The following CHL1 variants were observed in gnomAD, a reference collection of about 807,000 sequenced individuals.
CHL1 encodes the protein cell adhesion molecule L1 like, also known as neural cell adhesion molecule L1-like protein.
In CHL1, 96 loss-of-function variants were observed where a neutral mutation model predicts 141.9. The observed-to-expected ratio is 0.68, with a 90% CI of 0.57 to 0.80. The LOEUF is 0.80. Ranked by LOEUF, CHL1 falls within the 30% of genes least tolerant of loss-of-function variation. The probability of loss-of-function intolerance (pLI) is 0.00; values close to 1 mark genes in which losing one functional copy is unlikely to be tolerated. For missense variants in CHL1, 1,820 were observed against 1,457.2 expected (o/e 1.25, Z -4.05); for synonymous variants, 613 against 502.2 (o/e 1.22, Z -2.95).
chr3:263,062 C>G (rs1375209528), intron 2 of CHL1, among the ~76,000 whole-genome samples: 1 of 152,176 alleles, frequency 6.6e-6, no homozygotes, highest in Admixed American at 6.5e-5. Context: ...AAGTGCTATG[C>G]AAAGTGAGGG....
intron 1 of CHL1, among the ~76,000 whole-genome samples, chr3:203,827 A>G (rs1219817398): frequency 1.3e-5 from 2 of 152,236 alleles, no homozygotes; most frequent in Non-Finnish European, 2.9e-5. Context: ...TGTGGAGGTC[A>G]GTTCTCCCAG....
chr3:389,519 C>A, intron 20 of CHL1, 45 bp downstream of exon 20: 1 of 1,422,318 alleles, frequency 7.0e-7, no homozygotes, highest in Non-Finnish European at 9.9e-7. Context: ...GTAACTGTTG[C>A]TTTCAAATAT....
At chr3:382,032 C>G (rs1707103479) in intron 16 of CHL1, 147 bp from the exon 17 acceptor site, 1 of 494,376 alleles carries the variant, frequency 2.0e-6, no homozygotes, top group East Asian at 3.7e-5. Flanking sequence ...CTTTCCCTTC[C>G]ATATGTGGGG....
chr3:341,525 A>G (rs1235707730), intron 6 of CHL1, among the ~76,000 whole-genome samples: 3 of 152,180 alleles, frequency 2.0e-5, no homozygotes, highest in African/African-American at 7.2e-5. Flanking sequence ...TTTCTTTTTA[A>G]ATCATGTTTT....
chr3:390,858 A>G (rs1183632841), intron 21 of CHL1, 42 bp downstream of exon 21: 2 of 1,499,686 alleles, frequency 1.3e-6, no homozygotes, highest in East Asian at 2.3e-5. Flanking sequence ...TTGAATTGGT[A>G]TCTTTCCTGA....
At chr3:317,762 G>A (rs1186840810) in intron 2 of CHL1, among the ~76,000 whole-genome samples, 1 of 151,296 alleles carries the variant, frequency 6.6e-6, no homozygotes, top group East Asian at 1.9e-4. Flanking sequence ...TCCCAACTTT[G>A]TACAAATACG....
intron 8 of CHL1, 81 bp downstream of exon 8, chr3:343,112 C>T: frequency 1.8e-6 from 2 of 1,102,374 alleles, no homozygotes; most frequent in Non-Finnish European, 2.6e-6. Flanking sequence ...CTTTAATATC[C>T]TCTTAAGTTT....
intron 2 of CHL1, among the ~76,000 whole-genome samples, chr3:292,661 T>C (rs1396817460): frequency 6.6e-6 from 1 of 152,218 alleles, no homozygotes; most frequent in Admixed American, 6.5e-5. Flanking sequence ...AGTTGGCTCA[T>C]GGTTCTGCAG....
At chr3:266,071 G>C (rs1695123231) in intron 2 of CHL1, among the ~76,000 whole-genome samples, 1 of 152,208 alleles carries the variant, frequency 6.6e-6, no homozygotes, top group Non-Finnish European at 1.5e-5. Flanking sequence ...GGTGAGGTTA[G>C]TAGCATGGCC....
intron 3 of CHL1, among the ~76,000 whole-genome samples, chr3:321,529 G>T (rs958412368): frequency 2.6e-5 from 4 of 151,974 alleles, no homozygotes; most frequent in African/African-American, 7.2e-5. Flanking sequence ...ATTGTCTTCC[G>T]AATAGCAACG....
chr3:294,574 T>C (rs1353152464), intron 2 of CHL1, among the ~76,000 whole-genome samples: 1 of 152,236 alleles, frequency 6.6e-6, no homozygotes, highest in Admixed American at 6.5e-5. Context: ...ATTTTCTTTT[T>C]TTCCACATTC....
chr3:310,666 C>T (rs1699680647), intron 2 of CHL1, among the ~76,000 whole-genome samples: 1 of 152,122 alleles, frequency 6.6e-6, no homozygotes. Context: ...TCTGCATATG[C>T]ACAGCCTCTC....
At chr3:404,914 G>A (rs1709413588) in intron 27 of CHL1, among the ~76,000 whole-genome samples, 1 of 152,136 alleles carries the variant, frequency 6.6e-6, no homozygotes, top group Non-Finnish European at 1.5e-5. Context: ...AGAAGCCTAA[G>A]AGCAAAGTGC....
chr3:350,250 G>C (rs1358973091), intron 10 of CHL1, among the ~76,000 whole-genome samples: 1 of 152,136 alleles, frequency 6.6e-6, no homozygotes, highest in Non-Finnish European at 1.5e-5. Context: ...GGAATAAGTA[G>C]GCAAAGATGA....
chr3:303,364 C>G (rs1296323799), intron 2 of CHL1, among the ~76,000 whole-genome samples: 1 of 152,164 alleles, frequency 6.6e-6, no homozygotes, highest in African/African-American at 2.4e-5. Flanking sequence ...ATTGATTCTT[C>G]CTATCCATGA....
At position 391,137 on chromosome 3, in the gene CHL1, T is replaced by C; in HGVS notation, c.2769T>C (p.Tyr923=). Residue 923 remains tyrosine, a synonymous_variant, in exon 22 of 28, where the codon TAT becomes TAC. Coordinates refer to ENST00000256509, the MANE Select transcript of CHL1 (RefSeq NM_006614.4). ...SKGAGPESEP[Y]IFQTPEGVPE... ...GAGCTGGTCCTGAAAGTGAGCCTTA[T>C]ATATTTCAAACACCAGAAGGAGGTG... 1.2e-6 allele frequency: 2 copies of C among 1,612,986 alleles called. No individual in the cohort carries two copies. The highest frequency in any genetic ancestry group is 1.7e-6 in the Non-Finnish European group (2 of 1,179,034).
chr3:299,753 G>A (rs961653982), intron 2 of CHL1, among the ~76,000 whole-genome samples: 1 of 152,106 alleles, frequency 6.6e-6, no homozygotes, highest in Non-Finnish European at 1.5e-5. Flanking sequence ...TCACCTGACA[G>A]GGGAGCAGTG....
At chr3:279,019 A>T (rs1371547103) in intron 2 of CHL1, among the ~76,000 whole-genome samples, 2 of 152,152 alleles carry the variant, frequency 1.3e-5, no homozygotes, top group Non-Finnish European at 2.9e-5. Context: ...TTAGTATTCT[A>T]ATGGGGACGC....
At chr3:288,704 T>C (rs886235663) in intron 2 of CHL1, among the ~76,000 whole-genome samples, 3 of 152,192 alleles carry the variant, frequency 2.0e-5, no homozygotes, top group Non-Finnish European at 4.4e-5. Context: ...CGGGATGCGC[T>C]CCATCTTTGC....
Sources: gnomAD v4.1 joint callset for allele counts (sites outside exome capture counted in the v4.1 genomes callset) on GRCh38, gnomAD v4.1.1 for gene constraint, MANE v1.5 for transcripts, NCBI Gene and HGNC (gene_info 2026-07-23, HGNC 2026-07-21) for gene names.